Variants in PCDHGA3 observed in about 807,000 individuals in gnomAD.
The protein encoded by PCDHGA3 is protocadherin gamma subfamily A, 3, also known as protocadherin gamma-A3.
PCDHGA3 carries 40 observed loss-of-function variants against 58.5 expected under a neutral mutation model. The observed-to-expected ratio is 0.68, with a 90% CI of 0.53 to 0.89. PCDHGA3 has a LOEUF of 0.89. PCDHGA3 is among the 40% of genes least tolerant of loss of function. The pLI, the probability that PCDHGA3 is intolerant of heterozygous loss-of-function variation, is 0.00. For missense variants in PCDHGA3, 1,223 were observed against 1,195.9 expected, an observed-to-expected ratio of 1.02 and a Z score of -0.33; for synonymous variants, 530 against 525.7, an observed-to-expected ratio of 1.01 and a Z score of -0.11.
chr5:141,477,607 G>A lies in PCDHGA3; in HGVS notation c.2425-17200G>A, dbSNP rs1223703956. ...ATGCTCGGCTTTCTTTCTTTCTCTT[G>A]GAGCAAGGAGCTGAAACCGGGCTAG... is the stretch of plus-strand genomic sequence containing the variant. On this transcript the variant is annotated intron_variant, in intron 1 of 3. Coordinates refer to ENST00000253812, the MANE Select transcript of PCDHGA3 (RefSeq NM_018916.4). The surrounding 1 kb of genome is among the most constrained non-coding windows in gnomAD (Gnocchi z 4.9). 2 of 1,614,028 alleles carry A rather than the reference G, an allele frequency of 1.2e-6. No individual in the cohort carries two copies. The highest frequency in any genetic ancestry group is 3.3e-5 in the Admixed American group (2 of 60,000).
At chr5:141,465,983 A>G (rs1219092160) in intron 1 of PCDHGA3, among the ~76,000 whole-genome samples, 1 of 151,944 alleles carries the variant, frequency 6.6e-6, no homozygotes, top group East Asian at 1.9e-4. Context: ...TTAGCCGGGC[A>G]TGGTGGCAGG....
At chr5:141,362,055 G>A (rs762337183) in intron 1 of PCDHGA3, 4 of 1,611,832 alleles carry the variant, frequency 2.5e-6, no homozygotes, top group Non-Finnish European at 3.4e-6. Context: ...CGGCCCGCCA[G>A]CGCCTGCTGG....
intron 2 of PCDHGA3, 145 bp downstream of exon 2, chr5:141,495,010 G>GT: frequency 6.6e-7 from 1 of 1,516,970 alleles, no homozygotes; most frequent in East Asian, 2.5e-5. Flanking sequence ...GTGTGCGGGG[G>GT]GCTGGCACAC....
At chr5:141,376,380 G>C in intron 1 of PCDHGA3, 4 of 1,614,214 alleles carry the variant, frequency 2.5e-6, no homozygotes, top group Non-Finnish European at 3.4e-6. Flanking sequence ...TCGCGTAAGA[G>C]TCATCTGATT....
At chr5:141,375,564 A>G (rs1771592295) in intron 1 of PCDHGA3, 3 of 1,613,974 alleles carry the variant, frequency 1.9e-6, no homozygotes, top group African/African-American at 1.3e-5. Flanking sequence ...CTGGCAGAAG[A>G]CACCCTCCAG....
At chr5:141,356,920 G>T in intron 1 of PCDHGA3, 1 of 1,613,924 alleles carries the variant, frequency 6.2e-7, no homozygotes, top group Non-Finnish European at 8.5e-7. Flanking sequence ...TGGCTCCACT[G>T]GTGTGGAGCT....
Position 141,490,799 on chromosome 5 carries a change from G to A in PCDHGA3, c.2425-4008G>A, listed in dbSNP as rs757092044. On this transcript the variant is annotated intron_variant, in intron 1 of 3. Coordinates refer to ENST00000253812, the MANE Select transcript of PCDHGA3 (RefSeq NM_018916.4). The surrounding 1 kb of genome is among the most constrained non-coding windows in gnomAD (Gnocchi z 5.4). ...GAGGATGGACGGATCTTTGCCCAGC[G>A]TACCTTTGACTATGAATTGCTGCAG... is the stretch of plus-strand genomic sequence containing the variant. 2.7e-5 allele frequency: 43 copies of A among 1,613,888 alleles called. No individual in the cohort carries two copies. Among genetic ancestry groups the A allele is most frequent in the Middle Eastern group, 3.3e-4 (2 of 6,062 alleles).
At chr5:141,394,259 G>T (rs1367261725) in intron 1 of PCDHGA3, 3 of 1,613,936 alleles carry the variant, frequency 1.9e-6, no homozygotes, top group African/African-American at 2.7e-5. Context: ...CCGACAGCCA[G>T]GAGAATGCCC....
intron 1 of PCDHGA3, among the ~76,000 whole-genome samples, chr5:141,434,982 A>G (rs908716553): frequency 3.3e-5 from 5 of 152,084 alleles, no homozygotes; most frequent in East Asian, 1.9e-4. Flanking sequence ...TTAATACTCT[A>G]TATCATTTTC....
rs747156698 is a variant in PCDHGA3 at position 141,385,112 on chromosome 5, C to T, written c.2424+38655C>T. ...GGTGGCTTGGCGAACGTGCCCACCT[C>T]GCACTTTGTGGGCATGGACGGGGTG... On this transcript the variant is annotated intron_variant, in intron 1 of 3. Coordinates refer to ENST00000253812, the MANE Select transcript of PCDHGA3 (RefSeq NM_018916.4). 6 of 1,614,200 alleles carry T rather than the reference C, an allele frequency of 3.7e-6. No homozygotes were observed. The highest frequency in any genetic ancestry group is 2.7e-5 in the African/African-American group (2 of 75,070).
chr5:141,489,425 G>A lies in PCDHGA3; in HGVS notation c.2425-5382G>A, dbSNP rs779739693. 18 of 1,614,000 alleles carry A rather than the reference G, an allele frequency of 1.1e-5. No homozygotes were observed. Among genetic ancestry groups the A allele is most frequent in the South Asian group, 5.5e-5 (5 of 91,074 alleles). The stretch of plus-strand genomic sequence containing the variant: ...TTAAAGATGACAGATCTGTTGAGCC[G>A]GCGGCTGCAATTGGGCTCTGAGGAG... On this transcript the variant is annotated intron_variant, in intron 1 of 3. Transcript: ENST00000253812. This position sits in a 1 kb window ranked among gnomAD's most constrained non-coding sequence, Gnocchi z 4.5.
At chr5:141,380,579 G>A (rs892018372) in intron 1 of PCDHGA3, among the ~76,000 whole-genome samples, 1 of 152,134 alleles carries the variant, frequency 6.6e-6, no homozygotes, top group Non-Finnish European at 1.5e-5. Context: ...TATCTTGGCG[G>A]TCTAGTAAAG....
At chr5:141,375,105 A>G (rs371346343) in intron 1 of PCDHGA3, 56 of 1,613,840 alleles carry the variant, frequency 3.5e-5, no homozygotes, top group East Asian at 3.1e-4. Context: ...TTGGATGTCA[A>G]TGATAATGTA....
chr5:141,409,173 G>T (rs1235074997), intron 1 of PCDHGA3: 3 of 1,614,028 alleles, frequency 1.9e-6, no homozygotes. Flanking sequence ...GCGAAGGACG[G>T]AGGTGGTCTC....
intron 1 of PCDHGA3, chr5:141,360,970 T>C: frequency 6.2e-7 from 1 of 1,613,884 alleles, no homozygotes; most frequent in Non-Finnish European, 8.5e-7. Flanking sequence ...AGAGATCACC[T>C]ACTCCTTTCA....
chr5:141,399,775 G>T, intron 1 of PCDHGA3: 3 of 1,613,282 alleles, frequency 1.9e-6, no homozygotes, highest in Non-Finnish European at 2.5e-6. Context: ...GTTGGTGGGC[G>T]ACCGAAACGA....
intron 1 of PCDHGA3, chr5:141,390,939 A>G (rs572047279): frequency 6.6e-6 from 1 of 152,412 alleles, no homozygotes; most frequent in Admixed American, 6.5e-5. Context: ...TTAGAAGATC[A>G]AAAGCAGATT....
chr5:141,442,052 G>T (rs2098295034), intron 1 of PCDHGA3: 1 of 197,576 alleles, frequency 5.1e-6, no homozygotes, highest in South Asian at 6.6e-5. Flanking sequence ...TACTGGTCGC[G>T]GTGCACTGCG....
In PCDHGA3 at chr5:141,487,954, T is replaced by C. The variant is rs2099669751; in HGVS notation, c.2425-6853T>C. On this transcript the variant is annotated intron_variant, in intron 1 of 3. Transcript: ENST00000253812. The surrounding 1 kb of genome is among the most constrained non-coding windows in gnomAD (Gnocchi z 5.0). ...GGGTACAGTGCACCAGGCAGTCACTTGGACAAAGGTGGCTGTTTTCTCTAC... is the reference window on the plus strand; with the variant it reads ...GGGTACAGTGCACCAGGCAGTCACTCGGACAAAGGTGGCTGTTTTCTCTAC... Among the ~76,000 whole-genome samples the C allele has an allele frequency of 6.6e-6, 1 of 152,182 alleles. No homozygotes were observed. The highest frequency in any genetic ancestry group is 1.5e-5 in the Non-Finnish European group (1 of 68,020).
Sources: gnomAD v4.1 joint callset for allele counts (sites outside exome capture counted in the v4.1 genomes callset) on GRCh38, gnomAD v4.1.1 for gene constraint, Gnocchi (gnomAD v3.1) non-coding constraint, MANE v1.5 for transcripts, NCBI Gene and HGNC (gene_info 2026-07-23, HGNC 2026-07-21) for gene names.